The following ELP2 variants were observed in gnomAD, a reference collection of about 807,000 sequenced individuals.
ELP2 encodes elongator acetyltransferase complex subunit 2.
Under a neutral mutation model 119.2 loss-of-function variants are expected in ELP2, and 90 were observed. The observed-to-expected ratio is 0.75, with a 90% CI of 0.64 to 0.90. The LOEUF (loss-of-function observed/expected upper bound fraction) is 0.90, where lower values mean the gene tolerates loss of function less well. Among genes scored for constraint, ELP2 ranks in the 40% least tolerant of loss-of-function variants. The pLI is 0.00. For synonymous variants in ELP2, 339 were observed against 331.0 expected, an observed-to-expected ratio of 1.02 and a Z score of -0.26; for missense variants, 921 against 967.8, an observed-to-expected ratio of 0.95 and a Z score of 0.64.
At chr18:36,154,005 A>G (rs2090485160) in intron 11 of ELP2, among the ~76,000 whole-genome samples, 2 of 150,204 alleles carry the variant, frequency 1.3e-5, no homozygotes, top group African/African-American at 4.9e-5. Context: ...GTAAACTCCC[A>G]TTAGTGCTAA....
At position 36,179,929 on chromosome 18, in the gene ELP2, AAGTGGAGATGAGATT is replaced by A. The variant is rs1035587281; in HGVS notation, c.*5293_*5307del. The A allele has an allele frequency of 2.0e-5, 3 of 152,170 alleles. No individual in the cohort carries two copies. The highest frequency in any genetic ancestry group is 4.4e-5 in the Non-Finnish European group (3 of 68,034). 9.4% of individuals were successfully genotyped at this position (152,170 alleles called of 1,614,324 possible). ...GGCAAGCTGTTCCCCTCATCTCTAAAAGTGGAGATGAGATTAGTGTATGAGTCTGGCTTCCATTCA... is the reference window on the plus strand; with the variant it reads ...GGCAAGCTGTTCCCCTCATCTCTAAAAGTGTATGAGTCTGGCTTCCATTCA... On this transcript the variant is annotated 3_prime_UTR_variant, in exon 22 of 22. Coordinates refer to ENST00000358232, the MANE Select transcript of ELP2 (RefSeq NM_018255.4).
At chr18:36,163,233 A>G (rs2090792056) in intron 17 of ELP2, among the ~76,000 whole-genome samples, 1 of 149,466 alleles carries the variant, frequency 6.7e-6, no homozygotes, top group East Asian at 2.0e-4. Flanking sequence ...TGCAGAAGAC[A>G]TGATTTCATT....
Position 36,155,023 on chromosome 18 carries a change from T to G in ELP2, c.1275+24T>G, listed in dbSNP as rs771246515. 2.5e-6 allele frequency: 4 copies of G among 1,595,396 alleles called. No homozygotes were observed. In the South Asian group the frequency reaches 4.4e-5, roughly 18 times the overall value. ...AGGTAAAATGTCTTATTTATTTATT[T>G]ATTTTTTCTTGGGACAGAGTTTCAC... On this transcript the variant is annotated intron_variant, in intron 12 of 21. Coordinates refer to ENST00000358232, the MANE Select transcript of ELP2 (RefSeq NM_018255.4).
At chr18:36,153,770 TA>T (rs1272297463) in intron 11 of ELP2, among the ~76,000 whole-genome samples, 1 of 152,168 alleles carries the variant, frequency 6.6e-6, no homozygotes, top group Non-Finnish European at 1.5e-5. Flanking sequence ...ACTTGTTTTT[TA>T]TATAGACTTT....
At chr18:36,142,620 A>G (rs1201260115) in intron 7 of ELP2, among the ~76,000 whole-genome samples, 1 of 152,172 alleles carries the variant, frequency 6.6e-6, no homozygotes, top group African/African-American at 2.4e-5. Flanking sequence ...TATATACTAC[A>G]TGTTGTAAAC....
Position 36,154,846 on chromosome 18 carries a change from G to A in ELP2, c.1126-4G>A. The A allele has an allele frequency of 6.2e-7, 1 of 1,614,026 alleles. No individual in the cohort carries two copies. Among genetic ancestry groups the A allele is most frequent in the Non-Finnish European group, 8.5e-7 (1 of 1,179,990 alleles). ...GATATGTGATATGAGCACTTCCATT[G>A]CAGAGAGAGTGGACTCCAGAGATTG... On this transcript the variant is annotated splice_region_variant and splice_polypyrimidine_tract_variant and intron_variant, in intron 11 of 21. Coordinates refer to ENST00000358232, the MANE Select transcript of ELP2 (RefSeq NM_018255.4).
In ELP2 at chr18:36,133,171, T is replaced by G. The variant is rs143686274; in HGVS notation, c.139-67T>G. 153 of 1,099,172 alleles carry G rather than the reference T, an allele frequency of 1.4e-4. No homozygotes were observed. The East Asian group carries it at 3.3e-3, about 23-fold the overall frequency. 68.1% of individuals were successfully genotyped at this position (1,099,172 alleles called of 1,614,324 possible). On this transcript the variant is annotated intron_variant, in intron 1 of 21. Coordinates refer to ENST00000358232, the MANE Select transcript of ELP2 (RefSeq NM_018255.4). Reference sequence around the variant, plus strand: ...AGCATCGAAAACACTGAAATCTGTTTTTACTTATTTATTAATTTTTCTGTA... The same window carrying G: ...AGCATCGAAAACACTGAAATCTGTTGTTACTTATTTATTAATTTTTCTGTA...
chr18:36,164,848 G>C (rs2090847140), intron 18 of ELP2, 181 bp downstream of exon 18: 2 of 633,248 alleles, frequency 3.2e-6, no homozygotes, highest in Non-Finnish European at 5.6e-6. Flanking sequence ...GATTTAAATG[G>C]AGATGATCTT....
At chr18:36,163,896 G>A (rs915019073) in intron 17 of ELP2, among the ~76,000 whole-genome samples, 1 of 152,102 alleles carries the variant, frequency 6.6e-6, no homozygotes, top group African/African-American at 2.4e-5. Context: ...TTTGCCTATA[G>A]TAGATCCTTT....
intron 14 of ELP2, 34 bp downstream of exon 14, chr18:36,158,938 T>C: frequency 3.5e-6 from 5 of 1,441,320 alleles, no homozygotes; most frequent in Non-Finnish European, 4.9e-6. Context: ...ATTAAACCCA[T>C]AGTGGTACTT....
intron 19 of ELP2, among the ~76,000 whole-genome samples, chr18:36,169,747 A>G (rs2091021362): frequency 6.6e-6 from 1 of 152,082 alleles, no homozygotes; most frequent in Admixed American, 6.5e-5. Flanking sequence ...GCATGAGCCT[A>G]CTGATGGGAC....
chr18:36,157,133 A>G (rs1240430895), intron 13 of ELP2, among the ~76,000 whole-genome samples: 1 of 152,164 alleles, frequency 6.6e-6, no homozygotes, highest in Non-Finnish European at 1.5e-5. Flanking sequence ...AACATGTTTA[A>G]TGGGACTTGA....
rs201537734 is a variant in ELP2, at chr18:36,158,894, T to C, written c.1524T>C (p.Ala508=). 1 of 1,610,156 alleles carries C rather than the reference T, an allele frequency of 6.2e-7. No individual in the cohort carries two copies. The highest frequency in any genetic ancestry group is 1.3e-5 in the African/African-American group (1 of 74,980). ...CTGCATTGGGATTATCAAATAAAGC[T>C]GTCTTTCAGGGTAAGGCTTTTGTCT... ...TVPALGLSNK[A]VFQGDIASQP... The change falls in exon 14 of 22, where the codon GCT becomes GCC. Residue 508 remains alanine, a synonymous_variant. Transcript: ENST00000358232.
At chr18:36,148,092 G>GTTTTTTTTTTTTT (rs201797653) in intron 11 of ELP2, among the ~76,000 whole-genome samples, 1 of 113,840 alleles carries the variant, frequency 8.8e-6, no homozygotes, top group Admixed American at 9.2e-5. Context: ...TCATGGTCAG[G>GTTTTTTTTTTTTT]TTTTTGTTTT....
At chr18:36,162,579 A>T (rs56108742) in intron 17 of ELP2, among the ~76,000 whole-genome samples, 3 of 152,154 alleles carry the variant, frequency 2.0e-5, no homozygotes, top group Non-Finnish European at 4.4e-5. Context: ...TCTTGAGTAC[A>T]TATCTGTGAG....
chr18:36,164,981 C>A, intron 18 of ELP2: 1 of 342,144 alleles, frequency 2.9e-6, no homozygotes, highest in Non-Finnish European at 5.5e-6. Flanking sequence ...TAGAATGCTA[C>A]CACAAAGCCT....
chr18:36,159,293 A>G (rs183539015), intron 14 of ELP2, among the ~76,000 whole-genome samples: 1 of 152,098 alleles, frequency 6.6e-6, no homozygotes, highest in Admixed American at 6.6e-5. Flanking sequence ...TTGTATTTTT[A>G]GTAGAGACAG....
At chr18:36,156,084 A>G (rs75223267) in intron 12 of ELP2, among the ~76,000 whole-genome samples, 4 of 152,326 alleles carry the variant, frequency 2.6e-5, no homozygotes, top group East Asian at 3.9e-4. Flanking sequence ...TTGAACTGCT[A>G]TGTGGTAGAG....
intron 14 of ELP2, among the ~76,000 whole-genome samples, chr18:36,159,197 C>T (rs916080994): frequency 2.0e-5 from 3 of 151,492 alleles, no homozygotes; most frequent in African/African-American, 7.3e-5. Context: ...ACTGCAACCT[C>T]TGCCTCCTGG....
Sources: gnomAD v4.1 joint callset for allele counts (sites outside exome capture counted in the v4.1 genomes callset) on GRCh38, gnomAD v4.1.1 for gene constraint, MANE v1.5 for transcripts, NCBI Gene and HGNC (gene_info 2026-07-23, HGNC 2026-07-21) for gene names.